The following RTN4 variants were observed in gnomAD, a reference collection of about 807,000 sequenced individuals.
RTN4 encodes the protein reticulon 4.
A neutral mutation model predicts 90.4 loss-of-function variants in RTN4; 32 were observed. That is an observed-to-expected ratio of 0.35 (90% CI 0.27 to 0.48). The LOEUF (loss-of-function observed/expected upper bound fraction) is 0.48, where lower values mean the gene tolerates loss of function less well. RTN4 is among the 20% of genes least tolerant of loss of function. RTN4 has a pLI of 0.99. For synonymous variants in RTN4, 629 were observed against 552.5 expected (o/e 1.14, Z -1.94); for missense variants, 1,706 against 1,430.2 (o/e 1.19, Z -3.11).
At chr2:55,098,519 A>G (rs1194996212) in intron 1 of RTN4, among the ~76,000 whole-genome samples, 1 of 152,124 alleles carries the variant, frequency 6.6e-6, no homozygotes, top group Non-Finnish European at 1.5e-5. Context: ...ATTTTGAAGC[A>G]AATGCCAGAG....
chr2:55,115,769 G>A (rs1668113739), upstream of RTN4, among the ~76,000 whole-genome samples: 1 of 152,198 alleles, frequency 6.6e-6, no homozygotes, highest in Admixed American at 6.5e-5. Context: ...TATGGGCAGG[G>A]AAATCTAGCA....
the RTN4 span, among the ~76,000 whole-genome samples, chr2:55,120,161 C>T: frequency 6.6e-6 from 1 of 152,220 alleles, no homozygotes; most frequent in Non-Finnish European, 1.5e-5. Context: ...AGGGGCTGAA[C>T]AGCACAGCCG....
chr2:55,053,073 A>G (rs1668125794), upstream of RTN4, among the ~76,000 whole-genome samples: 1 of 152,244 alleles, frequency 6.6e-6, no homozygotes, highest in Non-Finnish European at 1.5e-5. Flanking sequence ...ATATTGATGC[A>G]ATAATATAAG....
the RTN4 span, among the ~76,000 whole-genome samples, chr2:55,133,482 G>A: frequency 2.0e-5 from 3 of 152,152 alleles, no homozygotes; most frequent in African/African-American, 7.2e-5. Context: ...ACTGTGTCAT[G>A]TGTATTTCTT....
At chr2:55,126,061 A>C in the RTN4 span, among the ~76,000 whole-genome samples, 1 of 79,920 alleles carries the variant, frequency 1.3e-5, no homozygotes, top group Non-Finnish European at 2.9e-5. Context: ...ACTCCGTCTC[A>C]AAAAAAAAAA....
chr2:55,036,731 T>C (rs1003540918), intron 1 of RTN4, among the ~76,000 whole-genome samples: 1 of 151,876 alleles, frequency 6.6e-6, no homozygotes, highest in Non-Finnish European at 1.5e-5. Context: ...TGTCAAAAAC[T>C]TATCTGACAA....
At chr2:55,107,137 A>G (rs970719312) in intron 1 of RTN4, among the ~76,000 whole-genome samples, 2 of 152,072 alleles carry the variant, frequency 1.3e-5, no homozygotes, top group Non-Finnish European at 2.9e-5. Context: ...AAACACTTCA[A>G]AACACTGATA....
At chr2:55,088,060 A>G (rs549076972) in intron 1 of RTN4, among the ~76,000 whole-genome samples, 1 of 152,328 alleles carries the variant, frequency 6.6e-6, no homozygotes, top group African/African-American at 2.4e-5. Flanking sequence ...GACTGCATGC[A>G]GATGTCAGAA....
chr2:55,066,802 T>C (rs989416907), intron 2 of RTN4, among the ~76,000 whole-genome samples: 1 of 152,154 alleles, frequency 6.6e-6, no homozygotes, highest in Non-Finnish European at 1.5e-5. Flanking sequence ...CCATATGAAA[T>C]TGTCATTTTT....
At chr2:54,974,350 G>A (rs368636608) in intron 6 of RTN4, among the ~76,000 whole-genome samples, 18 of 152,300 alleles carry the variant, frequency 1.2e-4, no homozygotes, top group African/African-American at 3.6e-4. Context: ...CACGATCTCC[G>A]CTCACTGCAA....
chr2:54,981,947 CTATATA>C (rs34736146), intron 5 of RTN4, among the ~76,000 whole-genome samples: 1 of 150,948 alleles, frequency 6.6e-6, no homozygotes, highest in African/African-American at 2.4e-5. Flanking sequence ...GAAAGTATTA[CTATATA>C]TATATATAAT....
chr2:55,119,753 C>T, the RTN4 span, among the ~76,000 whole-genome samples: 6 of 152,184 alleles, frequency 3.9e-5, no homozygotes, highest in East Asian at 1.9e-4. Flanking sequence ...TGCTGGAGCA[C>T]CACTAGGATC....
intron 1 of RTN4, among the ~76,000 whole-genome samples, chr2:55,097,099 G>A (rs1318940166): frequency 6.6e-6 from 1 of 151,664 alleles, no homozygotes; most frequent in Non-Finnish European, 1.5e-5. Context: ...GCAGACAAGA[G>A]GCCAAGAGAA....
At chr2:55,041,264 T>C (rs1406001169) in intron 1 of RTN4, among the ~76,000 whole-genome samples, 1 of 152,060 alleles carries the variant, frequency 6.6e-6, no homozygotes, top group Non-Finnish European at 1.5e-5. Flanking sequence ...AAATACATGT[T>C]AATAAAAACC....
intron 2 of RTN4, among the ~76,000 whole-genome samples, chr2:55,066,421 G>A (rs1027954058): frequency 3.3e-5 from 5 of 152,068 alleles, no homozygotes; most frequent in African/African-American, 9.6e-5. Context: ...TTGGCTGGGC[G>A]TGGTGGCTCA....
At chr2:55,132,376 A>ATC in the RTN4 span, among the ~76,000 whole-genome samples, 2 of 151,862 alleles carry the variant, frequency 1.3e-5, no homozygotes, top group South Asian at 4.1e-4. Flanking sequence ...GATGGCACAC[A>ATC]TCTGTAATCC....
chr2:54,981,295 T>TAA (rs1386136157), intron 5 of RTN4, among the ~76,000 whole-genome samples: 153 of 150,998 alleles, frequency 1.0e-3, no homozygotes, highest in African/African-American at 3.5e-3. Flanking sequence ...TTTTTTTTTT[T>TAA]AAAAAGCACT....
chr2:55,089,847 A>G (rs187916749), intron 1 of RTN4, among the ~76,000 whole-genome samples: 2 of 152,242 alleles, frequency 1.3e-5, no homozygotes, highest in Admixed American at 1.3e-4. Flanking sequence ...GGCATGTGGT[A>G]AAAAGGTCCC....
At chr2:55,106,099 G>T (rs2968820) in intron 1 of RTN4, among the ~76,000 whole-genome samples, 2 of 152,110 alleles carry the variant, frequency 1.3e-5, no homozygotes, top group South Asian at 4.1e-4. Context: ...TATTTGGGGG[G>T]TTGTACTTTT....
Sources: allele counts gnomAD v4.1 joint callset (sites outside exome capture counted in the v4.1 genomes callset), GRCh38; gene constraint gnomAD v4.1.1; transcripts MANE v1.5; gene names NCBI Gene and HGNC (gene_info 2026-07-23, HGNC 2026-07-21).